DNAH14: variants seen among roughly 807,000 people sequenced by gnomAD.
The protein encoded by DNAH14 is dynein axonemal heavy chain 14.
Under a neutral mutation model 520.9 loss-of-function variants are expected in DNAH14, and 478 were observed. That is an observed-to-expected ratio of 0.92 (90% CI 0.85 to 0.99). DNAH14 has a LOEUF of 0.99. DNAH14 is among the 50% of genes least tolerant of loss of function. The probability of loss-of-function intolerance (pLI) is 0.00; values close to 1 mark genes in which losing one functional copy is unlikely to be tolerated. For missense variants in DNAH14, 4,831 were observed against 5,234.5 expected (o/e 0.92, Z 2.38); for synonymous variants, 1,581 against 1,757.2 (o/e 0.90, Z 2.51).
chr1:224,950,947 C>CAAA (rs1275889725), intron 1 of DNAH14, among the ~76,000 whole-genome samples: 1 of 152,086 alleles, frequency 6.6e-6, no homozygotes, highest in East Asian at 1.9e-4. Context: ...TTTGTTTTCT[C>CAAA]TTTTGTTATA....
chr1:225,290,853 A>G (rs934105504), intron 55 of DNAH14, among the ~76,000 whole-genome samples: 1 of 151,276 alleles, frequency 6.6e-6, no homozygotes, highest in African/African-American at 2.4e-5. Flanking sequence ...TATCTCAAAC[A>G]TTTATCATTT....
chr1:225,145,479 C>A (rs954389001), intron 30 of DNAH14, 100 bp downstream of exon 30: 17 of 969,032 alleles, frequency 1.8e-5, no homozygotes, highest in African/African-American at 6.7e-5. Flanking sequence ...TTATCTGAGA[C>A]AAACATCAAG....
chr1:225,000,608 T>C (rs765109555), intron 8 of DNAH14, among the ~76,000 whole-genome samples: 8 of 151,508 alleles, frequency 5.3e-5, no homozygotes, highest in Non-Finnish European at 1.2e-4. Context: ...GATCTCACTC[T>C]GTTGCCCAGG....
At chr1:225,234,941 TTGGGCTGAGATGA>T (rs2091463733) in intron 42 of DNAH14, among the ~76,000 whole-genome samples, 3 of 152,300 alleles carry the variant, frequency 2.0e-5, no homozygotes, top group African/African-American at 7.2e-5. Context: ...TAAGAAGCTT[TTGGGCTGAGATGA>T]TGGGGTTTTC....
At chr1:225,126,919 G>A (rs138721072) in intron 27 of DNAH14, among the ~76,000 whole-genome samples, 10,763 of 150,986 alleles carry the variant, frequency 0.071, 586 homozygotes, top group East Asian at 0.23. Flanking sequence ...CTTAGTTCTC[G>A]TTGGTTTCAA....
At chr1:225,049,773 C>CCTAT (rs3047105) in intron 15 of DNAH14, among the ~76,000 whole-genome samples, 35,243 of 142,832 alleles carry the variant, frequency 0.25, 4,849 homozygotes, top group Non-Finnish European at 0.31. Context: ...TATCTATCTA[C>CCTAT]CTATCTATCT....
chr1:225,260,351 C>CAA lies in DNAH14; in HGVS notation c.7157+1113_7157+1114dup, dbSNP rs1252770479. The stretch of plus-strand genomic sequence containing the variant: ...TGGGCAACAGAGCAAGACTCCATCT[C>CAA]AAAAAAAAAAAAAAAATCCATTCAG... On this transcript the variant is annotated intron_variant, in intron 46 of 85. Transcript: ENST00000682510. 5.4e-3 allele frequency among the ~76,000 whole-genome samples: 565 copies of CAA among 104,576 alleles called. 3 individuals are homozygous for CAA. The highest frequency in any genetic ancestry group is 0.015 in the African/African-American group (428 of 28,922). 68.6% of individuals were successfully genotyped at this position (104,576 alleles called of 152,430 possible).
chr1:225,077,015 T>A (rs2072369944), intron 17 of DNAH14, among the ~76,000 whole-genome samples: 1 of 152,136 alleles, frequency 6.6e-6, no homozygotes, highest in Non-Finnish European at 1.5e-5. Context: ...ACCATCATTC[T>A]CAGCAAACTA....
chr1:225,038,118 A>C (rs1462269826), intron 11 of DNAH14, among the ~76,000 whole-genome samples: 9 of 152,076 alleles, frequency 5.9e-5, no homozygotes, highest in Non-Finnish European at 1.2e-4. Flanking sequence ...TGTAGGATAG[A>C]TCTGGTATTG....
chr1:225,135,587 T>G (rs1289691060), intron 27 of DNAH14, among the ~76,000 whole-genome samples: 1 of 152,100 alleles, frequency 6.6e-6, no homozygotes, highest in East Asian at 1.9e-4. Flanking sequence ...GATCCTATTA[T>G]GTGACCAATT....
Position 225,172,648 on chromosome 1 carries a change from T to A in DNAH14, c.5535+4620T>A, listed in dbSNP as rs111740342. Among the ~76,000 whole-genome samples, 35 of 152,296 alleles carry A rather than the reference T, an allele frequency of 2.3e-4. No individual in the cohort carries two copies. In the South Asian group the frequency reaches 7.3e-3, roughly 32 times the overall value. ...CAAATGGAAGAACATTCCATGCTCATGGGCAGAAAGAATCAATATCGTGCA... is the reference window on the plus strand; with the variant it reads ...CAAATGGAAGAACATTCCATGCTCAAGGGCAGAAAGAATCAATATCGTGCA... On this transcript the variant is annotated intron_variant, in intron 36 of 85. Transcript: ENST00000682510.
Position 225,082,614 on chromosome 1 carries a change from C to A in DNAH14, c.3202C>A (p.Pro1068Thr), listed in dbSNP as rs1293776798. Residue 1068 changes from proline to threonine, a missense_variant, in exon 20 of 86, where the codon CCT (proline) becomes ACT (threonine). Coordinates refer to ENST00000682510, the MANE Select transcript of DNAH14 (RefSeq NM_001367479.1). Reference sequence around the variant, plus strand: ...GGTAACAGAGTTTAAACAAGAGCTGCCTATCATTATAGCTCTGGGAAATCC... The same window carrying A: ...GGTAACAGAGTTTAAACAAGAGCTGACTATCATTATAGCTCTGGGAAATCC... ...QVVTEFKQEL[P>T]IIIALGNPCL... 26 of 1,551,442 alleles carry A rather than the reference C, an allele frequency of 1.7e-5. No individual in the cohort carries two copies. Among genetic ancestry groups the A allele is most frequent in the Non-Finnish European group, 2.1e-5 (24 of 1,146,940 alleles).
intron 30 of DNAH14, 40 bp downstream of exon 30, chr1:225,145,419 A>C: frequency 7.5e-7 from 1 of 1,337,598 alleles, no homozygotes; most frequent in Non-Finnish European, 1.0e-6. Flanking sequence ...AATATTGTAC[A>C]CATAAAACAT....
intron 1 of DNAH14, among the ~76,000 whole-genome samples, chr1:224,947,818 T>C (rs1478633690): frequency 6.6e-6 from 1 of 152,044 alleles, no homozygotes; most frequent in African/African-American, 2.4e-5. Context: ...TTTAGACAGG[T>C]ATTTCTTTAT....
intron 22 of DNAH14, among the ~76,000 whole-genome samples, chr1:225,099,924 G>A (rs566070432): frequency 1.1e-3 from 171 of 152,166 alleles, no homozygotes; most frequent in African/African-American, 4.0e-3. Context: ...TTCAACTTCA[G>A]AGCCAAGAGG....
intron 77 of DNAH14, among the ~76,000 whole-genome samples, chr1:225,372,647 C>T (rs563970990): frequency 3.2e-4 from 49 of 152,208 alleles, no homozygotes; most frequent in African/African-American, 1.2e-3. Context: ...CATGTACAAT[C>T]TTGGAGTTGG....
At chr1:225,152,645 T>C in intron 32 of DNAH14, 52 bp from the exon 33 acceptor site, 1 of 1,452,376 alleles carries the variant, frequency 6.9e-7, no homozygotes, top group Non-Finnish European at 9.2e-7. Flanking sequence ...ATTCCTTATT[T>C]GAAAAATTGA....
chr1:224,968,029 A>C, intron 6 of DNAH14: 1 of 873,780 alleles, frequency 1.1e-6, no homozygotes, highest in Non-Finnish European at 1.4e-6. Context: ...TACTTGTTTT[A>C]ATGATTTGTT....
At chr1:225,211,244 G>C (rs1188447278) in intron 41 of DNAH14, among the ~76,000 whole-genome samples, 1 of 152,156 alleles carries the variant, frequency 6.6e-6, no homozygotes, top group African/African-American at 2.4e-5. Flanking sequence ...ATGCCAGTAA[G>C]CTAAGAACCT....
Sources: gnomAD v4.1 joint callset for allele counts (sites outside exome capture counted in the v4.1 genomes callset) on GRCh38, gnomAD v4.1.1 for gene constraint, MANE v1.5 for transcripts, NCBI Gene and HGNC (gene_info 2026-07-23, HGNC 2026-07-21) for gene names.